Variants in LDB2 observed in about 807,000 individuals in gnomAD.
The protein encoded by LDB2 is LIM domain-binding protein 2.
In LDB2, 12 loss-of-function variants were observed where a neutral mutation model predicts 44.3. That is an observed-to-expected ratio of 0.27 (90% CI 0.17 to 0.44). LDB2 has a LOEUF of 0.44. Among genes scored for constraint, LDB2 ranks in the 20% least tolerant of loss-of-function variants. LDB2 has a pLI of 1.00. For synonymous variants in LDB2, 164 were observed against 174.8 expected (o/e 0.94, Z 0.49); for missense variants, 344 against 473.5 (o/e 0.73, Z 2.54).
chr4:16,741,908 T>G (rs1763335781), intron 2 of LDB2, among the ~76,000 whole-genome samples: 1 of 152,144 alleles, frequency 6.6e-6, no homozygotes, highest in Non-Finnish European at 1.5e-5. Flanking sequence ...TTTTAAACCT[T>G]ATGAGGTCAG....
At chr4:16,702,279 C>T (rs909866608) in intron 2 of LDB2, among the ~76,000 whole-genome samples, 1 of 152,174 alleles carries the variant, frequency 6.6e-6, no homozygotes, top group African/African-American at 2.4e-5. Context: ...TATTCAAGTT[C>T]CAACACTTCC....
chr4:16,813,080 C>T (rs1339139101), intron 1 of LDB2, among the ~76,000 whole-genome samples: 1 of 152,040 alleles, frequency 6.6e-6, no homozygotes, highest in Non-Finnish European at 1.5e-5. Flanking sequence ...TCACTGCAAC[C>T]TTCCCCTTGC....
chr4:16,745,886 C>G (rs938820611), intron 2 of LDB2, among the ~76,000 whole-genome samples: 1 of 144,602 alleles, frequency 6.9e-6, no homozygotes, highest in Non-Finnish European at 1.5e-5. Context: ...TAAAGATTCT[C>G]TATTGTTGAA....
chr4:16,545,900 G>A (rs1184993440), intron 5 of LDB2, among the ~76,000 whole-genome samples: 1 of 152,150 alleles, frequency 6.6e-6, no homozygotes, highest in African/African-American at 2.4e-5. Context: ...GTTAGGCCCC[G>A]AAGCAGATGA....
intron 2 of LDB2, among the ~76,000 whole-genome samples, chr4:16,695,486 A>G (rs1751915451): frequency 6.6e-6 from 1 of 152,162 alleles, no homozygotes; most frequent in Admixed American, 6.5e-5. Flanking sequence ...GAAGAAAAAG[A>G]AAGCCTTATA....
At chr4:16,790,489 A>G (rs1337806643) in intron 1 of LDB2, among the ~76,000 whole-genome samples, 1 of 151,548 alleles carries the variant, frequency 6.6e-6, no homozygotes, top group Non-Finnish European at 1.5e-5. Flanking sequence ...TAGTGCTGGA[A>G]CATTTGGTTT....
chr4:16,685,093 C>G (rs2152572240), intron 2 of LDB2, among the ~76,000 whole-genome samples: 1 of 152,242 alleles, frequency 6.6e-6, no homozygotes, highest in South Asian at 2.1e-4. Flanking sequence ...CTCAGTTTTC[C>G]TCTTCTATTT....
chr4:16,566,150 CAACT>C, intron 5 of LDB2, among the ~76,000 whole-genome samples: 1 of 151,864 alleles, frequency 6.6e-6, no homozygotes, highest in Non-Finnish European at 1.5e-5. Context: ...CAATAAATAC[CAACT>C]AATTTATGTT....
At chr4:16,664,548 G>A (rs1742484565) in intron 2 of LDB2, among the ~76,000 whole-genome samples, 1 of 151,958 alleles carries the variant, frequency 6.6e-6, no homozygotes, top group Admixed American at 6.5e-5. Flanking sequence ...CTGTGAAAGG[G>A]TTCTTGATTC....
At chr4:16,628,861 G>A (rs1360742436) in intron 2 of LDB2, among the ~76,000 whole-genome samples, 2 of 152,178 alleles carry the variant, frequency 1.3e-5, no homozygotes, top group African/African-American at 2.4e-5. Flanking sequence ...AAGGGAAGCC[G>A]TGAGTGACTG....
intron 2 of LDB2, among the ~76,000 whole-genome samples, chr4:16,685,910 G>C (rs954989270): frequency 1.3e-5 from 2 of 152,044 alleles, no homozygotes; most frequent in East Asian, 3.9e-4. Context: ...AAAGTAGTTG[G>C]GCATGGTGGT....
chr4:16,813,727 C>A (rs989994856), intron 1 of LDB2, among the ~76,000 whole-genome samples: 2 of 152,154 alleles, frequency 1.3e-5, no homozygotes, highest in African/African-American at 4.8e-5. Flanking sequence ...CCCAAGCTCA[C>A]CAGCAAGTTA....
At chr4:16,543,434 G>T (rs1170363222) in intron 5 of LDB2, among the ~76,000 whole-genome samples, 1 of 151,734 alleles carries the variant, frequency 6.6e-6, no homozygotes, top group African/African-American at 2.4e-5. Flanking sequence ...TCCAGCACCT[G>T]TTGTTTCCTG....
Position 16,536,352 on chromosome 4 carries a change from G to T in LDB2, c.616-24248C>A, listed in dbSNP as rs142393711. The stretch of plus-strand genomic sequence containing the variant: ...GCTTTATCGTAAATGTCTGAGGGCT[G>T]TGGCTTTCCAAATTGATTGTGGTCC... On this transcript the variant is annotated intron_variant, in intron 5 of 7. Coordinates refer to ENST00000304523, the MANE Select transcript of LDB2 (RefSeq NM_001290.5). 2.3e-4 allele frequency among the ~76,000 whole-genome samples: 35 copies of T among 152,312 alleles called. No homozygotes were observed. In the East Asian group the frequency reaches 6.2e-3, roughly 27 times the overall value.
intron 5 of LDB2, among the ~76,000 whole-genome samples, chr4:16,571,883 T>C (rs558710549): frequency 1.6e-4 from 25 of 152,218 alleles, no homozygotes; most frequent in Non-Finnish European, 2.9e-4. Context: ...ACCAGGGACA[T>C]TAGGTTCATA....
At chr4:16,796,437 A>G (rs899337124) in intron 1 of LDB2, among the ~76,000 whole-genome samples, 6 of 152,218 alleles carry the variant, frequency 3.9e-5, no homozygotes, top group East Asian at 3.9e-4. Flanking sequence ...ATAACATAGT[A>G]CTGGATTATA....
At chr4:16,877,920 A>C (rs766134690) in intron 1 of LDB2, among the ~76,000 whole-genome samples, 20 of 152,196 alleles carry the variant, frequency 1.3e-4, no homozygotes, top group Non-Finnish European at 2.2e-4. Flanking sequence ...AAGAATCACA[A>C]GAGCTTCTCA....
intron 2 of LDB2, among the ~76,000 whole-genome samples, chr4:16,617,414 C>T (rs146661702): frequency 0.014 from 2,195 of 152,278 alleles, 32 homozygotes; most frequent in South Asian, 0.046. Context: ...TAAATCAAGT[C>T]GACATCTCCT....
At chr4:16,834,535 G>A (rs938757130) in intron 1 of LDB2, among the ~76,000 whole-genome samples, 8 of 152,124 alleles carry the variant, frequency 5.3e-5, no homozygotes, top group Admixed American at 2.6e-4. Context: ...AGCTTTAGAA[G>A]GTAGGAGTCA....
Sources: allele counts gnomAD v4.1 joint callset (sites outside exome capture counted in the v4.1 genomes callset), GRCh38; gene constraint gnomAD v4.1.1; transcripts MANE v1.5; gene names NCBI Gene and HGNC (gene_info 2026-07-23, HGNC 2026-07-21).